The following OTULIN variants were observed in gnomAD, a reference collection of about 807,000 sequenced individuals.
OTULIN encodes ubiquitin thioesterase otulin.
Under a neutral mutation model 39.6 loss-of-function variants are expected in OTULIN, and 15 were observed. The ratio of observed to expected loss-of-function variants is 0.38; its 90% CI spans 0.25 to 0.58. OTULIN has a LOEUF of 0.58. Ranked by LOEUF, OTULIN falls within the 20% of genes least tolerant of loss-of-function variation. The pLI is 0.66. For missense variants in OTULIN, 319 were observed against 445.9 expected, an observed-to-expected ratio of 0.72 and a Z score of 2.56; for synonymous variants, 156 against 170.3, an observed-to-expected ratio of 0.92 and a Z score of 0.65.
At chr5:14,677,350 T>G (rs1736130669) in intron 2 of OTULIN, among the ~76,000 whole-genome samples, 1 of 152,202 alleles carries the variant, frequency 6.6e-6, no homozygotes, top group Non-Finnish European at 1.5e-5. Context: ...TCAGTAAATA[T>G]TTGTTGAATT....
chr5:14,681,384 C>T (rs937321859), intron 3 of OTULIN, 80 bp from the exon 4 acceptor site: 1 of 1,505,854 alleles, frequency 6.6e-7, no homozygotes, highest in Non-Finnish European at 8.9e-7. Flanking sequence ...CCAGGCCAAG[C>T]TTTTTCCACA....
intron 6 of OTULIN, among the ~76,000 whole-genome samples, chr5:14,691,671 A>G (rs1736531697): frequency 1.3e-5 from 2 of 150,642 alleles, no homozygotes; most frequent in South Asian, 4.2e-4. Context: ...TCACTCTTTT[A>G]AAGTTTTGCA....
rs528996325 is a variant in OTULIN, at chr5:14,677,288, C to T, written c.230-1393C>T. Reference sequence around the variant, plus strand: ...CCCCTTGAGGATAGAATCCTGTCTTCATCACCTTTTATCCCCAGTTCCTAG... The same window carrying T: ...CCCCTTGAGGATAGAATCCTGTCTTTATCACCTTTTATCCCCAGTTCCTAG... On this transcript the variant is annotated intron_variant, in intron 2 of 6. Transcript: ENST00000284274. Among the ~76,000 whole-genome samples, 28 of 152,322 alleles carry T rather than the reference C, an allele frequency of 1.8e-4. 1 individual carries two copies. The East Asian group carries it at 5.4e-3, about 29-fold the overall frequency.
chr5:14,690,565 G>A lies in OTULIN; in HGVS notation c.864+257G>A, dbSNP rs1736499618. On this transcript the variant is annotated intron_variant, in intron 6 of 6. Transcript: ENST00000284274. This position sits in a 1 kb window ranked among gnomAD's most constrained non-coding sequence, Gnocchi z 4.5. Reference sequence around the variant, plus strand: ...GGCTTCAGTTCCTTACTGGTAGTTAGTAGGAGGGTTCAGTTCTTCACACAT... The same window carrying A: ...GGCTTCAGTTCCTTACTGGTAGTTAATAGGAGGGTTCAGTTCTTCACACAT... Among the ~76,000 whole-genome samples the A allele has an allele frequency of 6.6e-6, 1 of 152,200 alleles. No individual in the cohort carries two copies. The highest frequency in any genetic ancestry group is 1.5e-5 in the Non-Finnish European group (1 of 68,034).
intron 4 of OTULIN, among the ~76,000 whole-genome samples, chr5:14,683,247 T>C (rs114067884): frequency 1.2e-4 from 19 of 152,032 alleles, no homozygotes; most frequent in African/African-American, 4.3e-4. Flanking sequence ...ACCCCTTGTA[T>C]TGGGGAGTCT....
At chr5:14,702,565 C>T (rs1390870336), downstream of OTULIN, among the ~76,000 whole-genome samples, 3 of 152,154 alleles carry the variant, frequency 2.0e-5, no homozygotes, top group East Asian at 1.9e-4. Flanking sequence ...AAGAACCGGG[C>T]GAGGTTAGGA....
the OTULIN span, chr5:14,708,131 G>C: frequency 6.6e-6 from 1 of 152,168 alleles, no homozygotes; most frequent in Admixed American, 6.5e-5. Flanking sequence ...TGAGATCCCT[G>C]TAAGTCACTA....
At chr5:14,681,667 T>G (rs1736254675) in intron 4 of OTULIN, 60 bp downstream of exon 4, 4 of 1,537,460 alleles carry the variant, frequency 2.6e-6, no homozygotes, top group Non-Finnish European at 3.5e-6. Flanking sequence ...TGAGAAAACT[T>G]TCCCTTTCTG....
Position 14,673,649 on chromosome 5 carries a change from G to A in OTULIN, c.160G>A (p.Asp54Asn). ...EMQCPAEHEEDMYRAADEIEK... is the reference protein window; with the variant it reads ...EMQCPAEHEENMYRAADEIEK... ...GCTTTGGTGTAATTTCAGTGAGGAG[G>A]ACATGTACCGTGCTGCAGATGAAAT... Residue 54 changes from aspartate to asparagine, a missense_variant, in exon 2 of 7, where the codon GAC becomes AAC. By Grantham distance (23) the Asp-to-Asn change is conservative (BLOSUM62 1). Around this residue, in one of 4 missense-constraint regions of OTULIN, gnomAD observed 132 missense variants for 143.7 expected, o/e 0.92. Transcript: ENST00000284274. 6.2e-7 allele frequency: 1 copy of A among 1,613,472 alleles called. No homozygotes were observed. The highest frequency in any genetic ancestry group is 8.5e-7 in the Non-Finnish European group (1 of 1,179,730).
intron 2 of OTULIN, among the ~76,000 whole-genome samples, chr5:14,675,298 T>G (rs1203205126): frequency 6.6e-6 from 1 of 152,246 alleles, no homozygotes; most frequent in African/African-American, 2.4e-5. Flanking sequence ...CTGGCTTCTG[T>G]TTTTGGTGAA....
the OTULIN span, chr5:14,707,864 A>C: frequency 3.3e-5 from 5 of 152,220 alleles, no homozygotes; most frequent in Non-Finnish European, 1.5e-5. Flanking sequence ...AAACAAAGGA[A>C]GAGTAACTTT....
intron 3 of OTULIN, 86 bp from the exon 4 acceptor site, chr5:14,681,378 G>A: frequency 1.3e-6 from 2 of 1,494,730 alleles, no homozygotes; most frequent in Non-Finnish European, 1.8e-6. Flanking sequence ...GTGATCCCAG[G>A]CCAAGCTTTT....
At chr5:14,687,732 G>A (rs1736422081) in intron 5 of OTULIN, 86 bp downstream of exon 5, 2 of 1,467,120 alleles carry the variant, frequency 1.4e-6, no homozygotes, top group South Asian at 2.9e-5. Flanking sequence ...TCTTCACTCA[G>A]TGGATTTTCA....
At chr5:14,716,092 T>G in the OTULIN span, among the ~76,000 whole-genome samples, 1 of 152,276 alleles carries the variant, frequency 6.6e-6, no homozygotes, top group Non-Finnish European at 1.5e-5. Flanking sequence ...TGAACACATT[T>G]GTGTTCCCAC....
rs1014578665 is a variant in OTULIN, at chr5:14,699,094, C to T, written c.*6046C>T. 1 of 152,240 alleles carries T rather than the reference C, an allele frequency of 6.6e-6. No individual in the cohort carries two copies. The highest frequency in any genetic ancestry group is 6.5e-5 in the Admixed American group (1 of 15,280). The allele number at this position is 152,240 out of a possible 1,614,324, so 9.4% of individuals were successfully genotyped here. On this transcript the variant is annotated 3_prime_UTR_variant, in exon 7 of 7. Transcript: ENST00000284274. ...GCTGCAGCCCCAATTCTGACCCAGC[C>T]CTGCTGTGTGTTTGCCGCAAAGAGG...
intron 1 of OTULIN, among the ~76,000 whole-genome samples, chr5:14,666,071 G>A (rs1735834573): frequency 6.6e-6 from 1 of 152,176 alleles, no homozygotes; most frequent in South Asian, 2.1e-4. Flanking sequence ...CCTGCTCCAC[G>A]GCCCGTGCTG....
Position 14,695,404 on chromosome 5 carries a change from C to T in OTULIN, c.*2356C>T, listed in dbSNP as rs1198168334. The T allele has an allele frequency of 6.6e-6, 1 of 152,100 alleles. No homozygotes were observed. Among genetic ancestry groups the T allele is most frequent in the African/African-American group, 2.4e-5 (1 of 41,400 alleles). The allele number at this position is 152,100 out of a possible 1,614,324, so 9.4% of individuals were successfully genotyped here. A position where few individuals can be genotyped will look rare whatever the true frequency, so the allele number is the denominator to read the frequency against. On this transcript the variant is annotated 3_prime_UTR_variant, in exon 7 of 7. Coordinates refer to ENST00000284274, the MANE Select transcript of OTULIN (RefSeq NM_138348.6). ...GATTAAGTGGATTCAGGAGGATGTT[C>T]CACTTAGAGCAGTCTTCAAAATGAT...
intron 4 of OTULIN, among the ~76,000 whole-genome samples, chr5:14,684,444 C>A (rs1001036004): frequency 1.3e-5 from 2 of 152,156 alleles, no homozygotes; most frequent in African/African-American, 4.8e-5. Context: ...GTTTGAGGGG[C>A]CAGTGAAGGA....
downstream of OTULIN, among the ~76,000 whole-genome samples, chr5:14,704,364 A>G (rs1361734463): frequency 6.6e-6 from 1 of 151,506 alleles, no homozygotes; most frequent in African/African-American, 2.4e-5. Context: ...AAGTGATAAA[A>G]GAGTAATGCT....
Sources: gnomAD v4.1 joint callset for allele counts (sites outside exome capture counted in the v4.1 genomes callset) on GRCh38, gnomAD v4.1.1 for gene constraint, gnomAD v4.1.1 regional missense constraint, Gnocchi (gnomAD v3.1) non-coding constraint, MANE v1.5 for transcripts, NCBI Gene and HGNC (gene_info 2026-07-23, HGNC 2026-07-21) for gene names.